The following TC2N variants were observed in gnomAD, a reference collection of about 807,000 sequenced individuals.
The protein encoded by TC2N is tandem C2 domains, nuclear, also known as tandem C2 domains nuclear protein.
Under a neutral mutation model 61.9 loss-of-function variants are expected in TC2N, and 51 were observed. The observed-to-expected ratio is 0.82, with a 90% CI of 0.66 to 1.04. TC2N has a LOEUF of 1.04. TC2N is among the 50% of genes least tolerant of loss of function. The probability of loss-of-function intolerance (pLI) is 0.00; values close to 1 mark genes in which losing one functional copy is unlikely to be tolerated. For missense variants in TC2N, 556 were observed against 566.7 expected (o/e 0.98, Z 0.19); for synonymous variants, 204 against 192.6 (o/e 1.06, Z -0.49).
At chr14:91,844,895 G>A (rs1888239902) in intron 1 of TC2N, among the ~76,000 whole-genome samples, 1 of 151,900 alleles carries the variant, frequency 6.6e-6, no homozygotes, top group Admixed American at 6.6e-5. Flanking sequence ...ATTCTTCATG[G>A]ACCTACTACG....
At chr14:91,853,210 A>G (rs1257345551) in intron 1 of TC2N, among the ~76,000 whole-genome samples, 1 of 152,222 alleles carries the variant, frequency 6.6e-6, no homozygotes, top group Admixed American at 6.5e-5. Flanking sequence ...TCACCTTAGT[A>G]CAGATCACTC....
At chr14:91,787,165 TAGC>T (rs1343251164) in intron 10 of TC2N, among the ~76,000 whole-genome samples, 7 of 152,140 alleles carry the variant, frequency 4.6e-5, no homozygotes, top group Non-Finnish European at 7.4e-5. Flanking sequence ...AGTTTCTAGT[TAGC>T]AGGGCATTCC....
intron 11 of TC2N, among the ~76,000 whole-genome samples, chr14:91,784,957 G>T (rs527248572): frequency 2.4e-4 from 36 of 152,192 alleles, no homozygotes; most frequent in African/African-American, 7.9e-4. Context: ...CATATTTAAA[G>T]ATAAACCTGA....
intron 1 of TC2N, among the ~76,000 whole-genome samples, chr14:91,862,339 C>CAAAAAAAAAAAAAAAAAAAAAAAA (rs56816512): frequency 9.4e-6 from 1 of 106,448 alleles, no homozygotes; most frequent in African/African-American, 3.4e-5. Flanking sequence ...GACTCTGTCT[C>CAAAAAAAAAAAAAAAAAAAAAAAA]AAAAAAAAAA....
chr14:91,788,804 G>C (rs1047183899), intron 9 of TC2N, among the ~76,000 whole-genome samples: 2 of 152,152 alleles, frequency 1.3e-5, no homozygotes, highest in African/African-American at 4.8e-5. Context: ...TCAACTGTTG[G>C]AATTTAATTT....
intron 8 of TC2N, among the ~76,000 whole-genome samples, chr14:91,795,445 T>C (rs1885850791): frequency 6.6e-6 from 1 of 152,036 alleles, no homozygotes; most frequent in Non-Finnish European, 1.5e-5. Context: ...TTTTAAGAAA[T>C]TGCCACAGCC....
chr14:91,828,902 T>C (rs1887620748), intron 1 of TC2N, among the ~76,000 whole-genome samples: 1 of 152,074 alleles, frequency 6.6e-6, no homozygotes, highest in South Asian at 2.1e-4. Flanking sequence ...ATCATCACCC[T>C]GTATTACTCT....
intron 8 of TC2N, among the ~76,000 whole-genome samples, chr14:91,793,110 A>C (rs1885737463): frequency 1.3e-5 from 2 of 152,206 alleles, no homozygotes; most frequent in Non-Finnish European, 2.9e-5. Context: ...TTGATAGAGA[A>C]GACAAAGGAA....
chr14:91,818,747 A>G (rs1433640915), intron 1 of TC2N, among the ~76,000 whole-genome samples: 1 of 152,168 alleles, frequency 6.6e-6, no homozygotes, highest in Non-Finnish European at 1.5e-5. Flanking sequence ...TGGAAAATAT[A>G]CTGGATGGGA....
chr14:91,834,101 A>AGAACCATTGGGACATACG (rs1887904056), intron 1 of TC2N, among the ~76,000 whole-genome samples: 1 of 152,226 alleles, frequency 6.6e-6, no homozygotes, highest in Non-Finnish European at 1.5e-5. Context: ...GATTTTTAGA[A>AGAACCATTGGGACATACG]GAACCATTGG....
chr14:91,842,208 C>T (rs1888176975), intron 1 of TC2N, among the ~76,000 whole-genome samples: 1 of 152,152 alleles, frequency 6.6e-6, no homozygotes, highest in Non-Finnish European at 1.5e-5. Flanking sequence ...TGGTCTCAAA[C>T]TCCTGGGTTC....
At chr14:91,806,566 C>A (rs984526410) in intron 3 of TC2N, among the ~76,000 whole-genome samples, 37 of 152,246 alleles carry the variant, frequency 2.4e-4, no homozygotes, top group African/African-American at 7.7e-4. Flanking sequence ...TGTCATTTTG[C>A]CCCTGCTGTA....
chr14:91,792,586 A>G (rs894995173), intron 8 of TC2N, 28 bp from the exon 9 acceptor site: 16 of 1,209,552 alleles, frequency 1.3e-5, no homozygotes, highest in South Asian at 3.6e-5. Flanking sequence ...AAAACATAAA[A>G]TATATAAATA....
chr14:91,807,040 G>A (rs1356321579), intron 3 of TC2N, among the ~76,000 whole-genome samples: 1 of 152,228 alleles, frequency 6.6e-6, no homozygotes, highest in African/African-American at 2.4e-5. Context: ...GCTTCAGAGG[G>A]TGGAAGCCCC....
chr14:91,810,928 C>A (rs1406759135), intron 3 of TC2N, among the ~76,000 whole-genome samples: 1 of 150,900 alleles, frequency 6.6e-6, no homozygotes, highest in Non-Finnish European at 1.5e-5. Flanking sequence ...TAGGTATAAT[C>A]GGAATCCCAG....
At chr14:91,861,881 C>T (rs963552866) in intron 1 of TC2N, among the ~76,000 whole-genome samples, 1 of 151,460 alleles carries the variant, frequency 6.6e-6, no homozygotes, top group Non-Finnish European at 1.5e-5. Context: ...GCACTGCAGC[C>T]TGGGTGACAG....
chr14:91,812,272 C>G, intron 3 of TC2N, 40 bp downstream of exon 3: 1 of 1,130,976 alleles, frequency 8.8e-7, no homozygotes, highest in South Asian at 2.0e-5. Flanking sequence ...CACTTAAATG[C>G]TACATATCGA....
intron 8 of TC2N, among the ~76,000 whole-genome samples, chr14:91,794,850 C>CT (rs1300525612): frequency 1.3e-5 from 2 of 152,260 alleles, no homozygotes; most frequent in African/African-American, 4.8e-5. Flanking sequence ...TTTTGTAAGG[C>CT]TATCACTGCC....
At chr14:91,814,044 T>C (rs1886895254) in intron 1 of TC2N, among the ~76,000 whole-genome samples, 1 of 151,232 alleles carries the variant, frequency 6.6e-6, no homozygotes, top group Admixed American at 6.6e-5. Context: ...ACAATCTCAA[T>C]GTTAAAATCT....
Sources: gnomAD v4.1 joint callset for allele counts (sites outside exome capture counted in the v4.1 genomes callset) on GRCh38, gnomAD v4.1.1 for gene constraint, MANE v1.5 for transcripts, NCBI Gene and HGNC (gene_info 2026-07-23, HGNC 2026-07-21) for gene names.